The following SYN3 variants were observed in gnomAD, a reference collection of about 807,000 sequenced individuals.
SYN3 encodes synapsin-3.
Under a neutral mutation model 65.8 loss-of-function variants are expected in SYN3, and 35 were observed. That is an observed-to-expected ratio of 0.53 (90% CI 0.41 to 0.70). The LOEUF (loss-of-function observed/expected upper bound fraction) is 0.70, where lower values mean the gene tolerates loss of function less well. SYN3 is among the 30% of genes least tolerant of loss of function. The pLI is 0.00. For synonymous variants in SYN3, 270 were observed against 292.9 expected, an observed-to-expected ratio of 0.92 and a Z score of 0.80; for missense variants, 680 against 749.0, an observed-to-expected ratio of 0.91 and a Z score of 1.08.
At position 32,869,097 on chromosome 22, in the gene SYN3, C is replaced by T. The variant is rs2146346649; in HGVS notation, c.490G>A (p.Val164Ile). Residue 164 changes from valine (V) to isoleucine (I), a missense_variant, in exon 5 of 14, where the codon GTC (valine) becomes ATC (isoleucine). Transcript: ENST00000358763. ...GCCATGCTGTAGGCATGCTGGCGGA[C>T]CAGGATGAAGTCTGGCTTGAAGGAT... ...SRSFKPDFILVRQHAYSMALG... is the reference protein window; with the variant it reads ...SRSFKPDFILIRQHAYSMALG... 6.2e-7 allele frequency: 1 copy of T among 1,613,676 alleles called. No individual in the cohort carries two copies. The highest frequency in any genetic ancestry group is 1.1e-5 in the South Asian group (1 of 91,034).
intron 1 of SYN3, among the ~76,000 whole-genome samples, chr22:33,042,014 G>A (rs187573774): frequency 3.6e-4 from 55 of 152,318 alleles, no homozygotes; most frequent in African/African-American, 1.0e-3. Context: ...AATCCCTAAC[G>A]TGATGGTATT....
chr22:32,937,560 A>C (rs2050807092), intron 3 of SYN3, among the ~76,000 whole-genome samples: 1 of 152,146 alleles, frequency 6.6e-6, no homozygotes, highest in African/African-American at 2.4e-5. Context: ...AGAGAGAGAG[A>C]GCAAAGGGGG....
rs144666916 is a variant in SYN3, at chr22:33,005,711, G to C, written c.311+641C>G. Among the ~76,000 whole-genome samples the C allele has an allele frequency of 1.2e-4, 18 of 152,254 alleles. No homozygotes were observed. The East Asian group carries it at 3.5e-3, about 29-fold the overall frequency. ...TCTGGAGCCAGACTGCCAGTACCTG[G>C]GAGAGCTGAGATGCACACTCAGGCA... On this transcript the variant is annotated intron_variant, in intron 2 of 13. Coordinates refer to ENST00000358763, the MANE Select transcript of SYN3 (RefSeq NM_003490.4).
intron 6 of SYN3, among the ~76,000 whole-genome samples, chr22:32,760,898 C>T (rs1280639260): frequency 6.6e-6 from 1 of 152,232 alleles, no homozygotes; most frequent in Admixed American, 6.5e-5. Flanking sequence ...ACACTTCACA[C>T]TGCCCAGGCA....
At chr22:32,604,353 CCCT>C (rs1384872114) in intron 6 of SYN3, among the ~76,000 whole-genome samples, 4 of 152,060 alleles carry the variant, frequency 2.6e-5, no homozygotes, top group Non-Finnish European at 5.9e-5. Flanking sequence ...TCATGTGTCT[CCCT>C]CCTCCTCCTC....
chr22:32,842,958 A>G lies in SYN3; in HGVS notation c.711+21957T>C, dbSNP rs140013116. 6.1e-3 allele frequency among the ~76,000 whole-genome samples: 926 copies of G among 152,292 alleles called. 12 individuals carry two copies. The highest frequency in any genetic ancestry group is 0.021 in the African/African-American group (855 of 41,560). On this transcript the variant is annotated intron_variant, in intron 6 of 13. Coordinates refer to ENST00000358763, the MANE Select transcript of SYN3 (RefSeq NM_003490.4). The stretch of plus-strand genomic sequence containing the variant: ...CAAGGGTCCTTCCTTTTAGGTATCA[A>G]TCTTCTTCTCTGATCCTCTGCAGTG...
chr22:32,712,518 A>T (rs1470106792), intron 6 of SYN3, among the ~76,000 whole-genome samples: 1 of 152,218 alleles, frequency 6.6e-6, no homozygotes, highest in African/African-American at 2.4e-5. Flanking sequence ...TTGCTGCAGC[A>T]AAAGTGGCTT....
intron 10 of SYN3, among the ~76,000 whole-genome samples, chr22:32,532,150 G>T (rs1181518653): frequency 6.6e-6 from 1 of 152,300 alleles, no homozygotes; most frequent in Admixed American, 6.5e-5. Context: ...TGTGTTTGCA[G>T]TTGTACTGTG....
chr22:32,910,443 C>T (rs971032237), intron 4 of SYN3, among the ~76,000 whole-genome samples: 5 of 151,854 alleles, frequency 3.3e-5, no homozygotes, highest in Non-Finnish European at 7.4e-5. Context: ...GTAGAATTCC[C>T]CCCTGCCCTG....
At chr22:32,669,138 T>C (rs2060328437) in intron 6 of SYN3, among the ~76,000 whole-genome samples, 1 of 152,216 alleles carries the variant, frequency 6.6e-6, no homozygotes, top group African/African-American at 2.4e-5. Flanking sequence ...GGCTTGTAGA[T>C]CTGGGATTTG....
chr22:32,980,290 C>T (rs2052333289), intron 3 of SYN3, among the ~76,000 whole-genome samples: 1 of 152,102 alleles, frequency 6.6e-6, no homozygotes. Flanking sequence ...GCTCTCTAGC[C>T]CAGGTGGCTG....
At chr22:32,812,757 G>A (rs559179936) in intron 6 of SYN3, among the ~76,000 whole-genome samples, 30 of 152,320 alleles carry the variant, frequency 2.0e-4, no homozygotes, top group Middle Eastern at 3.4e-3. Context: ...AGTGAATGAG[G>A]AGGGTATTTG....
Position 32,921,891 on chromosome 22 carries a change from G to A in SYN3, c.461+9499C>T, listed in dbSNP as rs184042356. Among the ~76,000 whole-genome samples the A allele has an allele frequency of 2.5e-3, 384 of 152,266 alleles. 3 individuals are homozygous for A. The highest frequency in any genetic ancestry group is 8.7e-3 in the Admixed American group (133 of 15,300). On this transcript the variant is annotated intron_variant, in intron 4 of 13. Transcript: ENST00000358763. ...TACTGCCCACGGTCACACAGCTGCT[G>A]TCACCGTGGCAAATCTGGGATGTCC...
In SYN3 at chr22:32,801,943, C is replaced by T; in HGVS notation, c.711+62972G>A. On this transcript the variant is annotated intron_variant, in intron 6 of 13. Transcript: ENST00000358763. The surrounding 1 kb of genome is among the most constrained non-coding windows in gnomAD (Gnocchi z 4.7). ...CGGGCTGCAGCAGCCCCGCCGGCGG[C>T]GCGCACGGCAACTTTGGAGAGGCGA... 6.5e-7 allele frequency: 1 copy of T among 1,534,770 alleles called. No homozygotes were observed.
chr22:32,840,745 GC>G (rs2047875721), intron 6 of SYN3, among the ~76,000 whole-genome samples: 1 of 152,110 alleles, frequency 6.6e-6, no homozygotes, highest in Non-Finnish European at 1.5e-5. Context: ...CAGATCTGAT[GC>G]CATCTCCAGG....
At chr22:32,726,730 C>A (rs757529781) in intron 6 of SYN3, among the ~76,000 whole-genome samples, 1 of 152,224 alleles carries the variant, frequency 6.6e-6, no homozygotes, top group African/African-American at 2.4e-5. Context: ...GTCTGCATTA[C>A]ATCCTCAAAG....
chr22:32,538,603 C>T (rs988735689), intron 8 of SYN3, among the ~76,000 whole-genome samples: 7 of 152,142 alleles, frequency 4.6e-5, no homozygotes, highest in East Asian at 1.9e-4. Flanking sequence ...CAGTAACAAC[C>T]GACCTCCCTT....
intron 7 of SYN3, among the ~76,000 whole-genome samples, chr22:32,578,707 G>A (rs2058891607): frequency 6.6e-6 from 1 of 152,182 alleles, no homozygotes. Context: ...ACTTATCTTG[G>A]TCAATATACA....
At chr22:32,555,397 G>A (rs2058480102) in intron 7 of SYN3, among the ~76,000 whole-genome samples, 1 of 152,146 alleles carries the variant, frequency 6.6e-6, no homozygotes, top group South Asian at 2.1e-4. Context: ...GAAGCTTATT[G>A]CCCTATTTCA....
Sources: gnomAD v4.1 joint callset for allele counts (sites outside exome capture counted in the v4.1 genomes callset) on GRCh38, gnomAD v4.1.1 for gene constraint, Gnocchi (gnomAD v3.1) non-coding constraint, MANE v1.5 for transcripts, NCBI Gene and HGNC (gene_info 2026-07-23, HGNC 2026-07-21) for gene names.